Variants in OPCML observed in about 807,000 individuals in gnomAD.
The protein encoded by OPCML is opioid binding protein/cell adhesion molecule like, also known as opioid-binding protein/cell adhesion molecule.
Under a neutral mutation model 37.8 loss-of-function variants are expected in OPCML, and 13 were observed. The observed-to-expected ratio is 0.34, with a 90% CI of 0.22 to 0.55. The LOEUF (loss-of-function observed/expected upper bound fraction) is 0.55. Among genes scored for constraint, OPCML ranks in the 20% least tolerant of loss-of-function variants. OPCML has a pLI of 0.91. For missense variants in OPCML, 341 were observed against 435.6 expected, an observed-to-expected ratio of 0.78 and a Z score of 1.93; for synonymous variants, 176 against 168.8, an observed-to-expected ratio of 1.04 and a Z score of -0.33.
intron 1 of OPCML, chr11:133,300,222 A>G (rs1942744353): frequency 6.6e-6 from 1 of 152,196 alleles, no homozygotes; most frequent in African/African-American, 2.4e-5. Context: ...TTAAGGAGAA[A>G]GAGAGTTTTC....
chr11:132,736,836 C>A (rs1945275531), intron 2 of OPCML, among the ~76,000 whole-genome samples: 1 of 152,266 alleles, frequency 6.6e-6, no homozygotes, highest in East Asian at 1.9e-4. Flanking sequence ...GCTGGGACCA[C>A]CCGGTGGAAC....
intron 2 of OPCML, among the ~76,000 whole-genome samples, chr11:132,676,190 G>A (rs943914151): frequency 6.6e-6 from 1 of 152,074 alleles, no homozygotes; most frequent in African/African-American, 2.4e-5. Context: ...TTGAATAGGG[G>A]AAATAATAGT....
chr11:132,845,976 T>A (rs1329187522), intron 2 of OPCML, among the ~76,000 whole-genome samples: 2 of 152,120 alleles, frequency 1.3e-5, no homozygotes, highest in Non-Finnish European at 2.9e-5. Context: ...TAACTTTGAC[T>A]TTTTTCATAC....
chr11:132,663,401 T>C (rs1390059409), intron 2 of OPCML, among the ~76,000 whole-genome samples: 1 of 152,248 alleles, frequency 6.6e-6, no homozygotes, highest in Non-Finnish European at 1.5e-5. Context: ...TGTATCTACA[T>C]AGACACACAT....
chr11:132,748,812 A>G (rs59526970), intron 2 of OPCML, among the ~76,000 whole-genome samples: 6,166 of 152,294 alleles, frequency 0.04, 241 homozygotes, highest in African/African-American at 0.11. Context: ...GTGAAAGACC[A>G]GATGGGAGGT....
At chr11:132,608,917 G>C (rs1266373998) in intron 3 of OPCML, among the ~76,000 whole-genome samples, 1 of 152,058 alleles carries the variant, frequency 6.6e-6, no homozygotes, top group Non-Finnish European at 1.5e-5. Context: ...ATATATCTGA[G>C]ATATTTTTCT....
At chr11:132,725,744 G>A (rs1944855397) in intron 2 of OPCML, among the ~76,000 whole-genome samples, 3 of 145,868 alleles carry the variant, frequency 2.1e-5, no homozygotes, top group Non-Finnish European at 4.5e-5. Flanking sequence ...TCACGCCACT[G>A]CACTCCAGCC....
Position 132,520,674 on chromosome 11 carries a change from A to ATGTGTGTGTGTG in OPCML, c.505+8375_505+8386dup, listed in dbSNP as rs1555144701. ...TGTCATCTTATGTAACTAAATATAT[A>ATGTGTGTGTGTG]TGTGTGTGTGTGTGTGTGTGTGTGT... On this transcript the variant is annotated intron_variant, in intron 4 of 7. Coordinates refer to ENST00000524381, the MANE Select transcript of OPCML (RefSeq NM_001012393.5). Among the ~76,000 whole-genome samples, 96 of 128,080 alleles carry ATGTGTGTGTGTG rather than the reference A, an allele frequency of 7.5e-4. 1 individual carries two copies. Among genetic ancestry groups the ATGTGTGTGTGTG allele is most frequent in the Middle Eastern group, 4.1e-3 (1 of 244 alleles). The allele number at this position is 128,080 out of a possible 152,430, so 84.0% of individuals were successfully genotyped here.
intron 1 of OPCML, chr11:133,024,302 G>A (rs1310699977): frequency 4.1e-6 from 4 of 969,442 alleles, no homozygotes; most frequent in Non-Finnish European, 4.9e-6. Context: ...CAGTGTTGAT[G>A]GAAGTTGGGA....
intron 2 of OPCML, among the ~76,000 whole-genome samples, chr11:132,756,187 A>G (rs1946036948): frequency 6.6e-6 from 1 of 152,204 alleles, no homozygotes; most frequent in African/African-American, 2.4e-5. Flanking sequence ...AATTTTATGT[A>G]TACGCCTACA....
chr11:132,951,364 A>G (rs1164406548), intron 1 of OPCML, among the ~76,000 whole-genome samples: 1 of 152,184 alleles, frequency 6.6e-6, no homozygotes, highest in African/African-American at 2.4e-5. Flanking sequence ...GGCTTGAGAC[A>G]GCTACCTTCT....
At chr11:132,450,140 G>T (rs758384096) in intron 4 of OPCML, among the ~76,000 whole-genome samples, 1 of 152,166 alleles carries the variant, frequency 6.6e-6, no homozygotes, top group African/African-American at 2.4e-5. Context: ...TGCCTTCCTT[G>T]CTGGGTCTTC....
chr11:132,671,561 G>C (rs1046699570), intron 2 of OPCML, among the ~76,000 whole-genome samples: 2 of 152,106 alleles, frequency 1.3e-5, no homozygotes, highest in Non-Finnish European at 2.9e-5. Flanking sequence ...CAAAATAACA[G>C]GGAGTCTGAC....
chr11:132,479,094 G>A (rs1479797156), intron 4 of OPCML, among the ~76,000 whole-genome samples: 2 of 152,112 alleles, frequency 1.3e-5, no homozygotes, highest in Non-Finnish European at 2.9e-5. Context: ...CGCAGAAGAC[G>A]GGTGATTTCT....
chr11:133,161,885 AC>A (rs1950145963), intron 1 of OPCML, among the ~76,000 whole-genome samples: 1 of 151,230 alleles, frequency 6.6e-6, no homozygotes, highest in African/African-American at 2.4e-5. Context: ...CATTTTCAAA[AC>A]CCAGCACAGT....
intron 4 of OPCML, among the ~76,000 whole-genome samples, chr11:132,517,719 A>C (rs188176724): frequency 5.9e-5 from 9 of 152,308 alleles, no homozygotes; most frequent in Admixed American, 2.0e-4. Flanking sequence ...GTGCCTTTCC[A>C]ATTGTAATTT....
intron 1 of OPCML, among the ~76,000 whole-genome samples, chr11:133,373,192 A>T (rs543322205): frequency 6.6e-6 from 1 of 152,114 alleles, no homozygotes; most frequent in South Asian, 2.1e-4. Flanking sequence ...AATTTCAAAA[A>T]TTAGAATATC....
intron 1 of OPCML, among the ~76,000 whole-genome samples, chr11:133,520,710 C>A (rs946319015): frequency 6.6e-6 from 1 of 152,190 alleles, no homozygotes; most frequent in Non-Finnish European, 1.5e-5. Context: ...CTGTAAGAGG[C>A]AGGCATTATC....
At chr11:132,522,671 G>C (rs963776249) in intron 4 of OPCML, among the ~76,000 whole-genome samples, 26 of 152,152 alleles carry the variant, frequency 1.7e-4, no homozygotes, top group Middle Eastern at 3.2e-3. Context: ...GGGTTTTGAG[G>C]ATCAGTGAGA....
Sources: allele counts gnomAD v4.1 joint callset (sites outside exome capture counted in the v4.1 genomes callset), GRCh38; gene constraint gnomAD v4.1.1; transcripts MANE v1.5; gene names NCBI Gene and HGNC (gene_info 2026-07-23, HGNC 2026-07-21).